The following DYM variants were observed in gnomAD, a reference collection of about 807,000 sequenced individuals.
DYM encodes dymeclin, also known as dyggve-Melchior-Clausen syndrome protein.
In DYM, 78 loss-of-function variants were observed where a neutral mutation model predicts 93.1. That is an observed-to-expected ratio of 0.84 (90% CI 0.70 to 1.01). The LOEUF is 1.01. Ranked by LOEUF, DYM falls within the 50% of genes least tolerant of loss-of-function variation. The pLI, the probability that DYM is intolerant of heterozygous loss-of-function variation, is 0.00. For missense variants in DYM, 789 were observed against 845.0 expected (o/e 0.93, Z 0.82); for synonymous variants, 321 against 319.7 (o/e 1.00, Z -0.04).
chr18:49,403,650 T>C (rs1028823162), intron 2 of DYM, among the ~76,000 whole-genome samples: 6 of 152,222 alleles, frequency 3.9e-5, no homozygotes, highest in Non-Finnish European at 5.9e-5. Flanking sequence ...CATGGGTATA[T>C]TGCATGATGC....
intron 15 of DYM, among the ~76,000 whole-genome samples, chr18:49,125,368 A>G (rs1448378513): frequency 6.6e-6 from 1 of 152,214 alleles, no homozygotes; most frequent in Admixed American, 6.5e-5. Context: ...CAAATATTTA[A>G]CAACTAGTTG....
At chr18:49,142,113 G>A (rs1053048623) in intron 15 of DYM, among the ~76,000 whole-genome samples, 2 of 151,284 alleles carry the variant, frequency 1.3e-5, no homozygotes, top group African/African-American at 2.4e-5. Context: ...CGCCCACCTC[G>A]GTCTCCCAAA....
At chr18:49,325,593 T>A (rs2062822761) in intron 8 of DYM, among the ~76,000 whole-genome samples, 1 of 152,176 alleles carries the variant, frequency 6.6e-6, no homozygotes, top group Non-Finnish European at 1.5e-5. Flanking sequence ...CAGAGAGCCA[T>A]ACCTTTATAT....
rs1482469110 is a variant in DYM, at chr18:49,042,160, T to C, written c.*1895A>G. 6.5e-6 allele frequency: 1 copy of C among 152,680 alleles called. No homozygotes were observed. Among genetic ancestry groups the C allele is most frequent in the Non-Finnish European group, 1.5e-5 (1 of 68,036 alleles). 9.5% of individuals were successfully genotyped at this position (152,680 alleles called of 1,614,324 possible). On this transcript the variant is annotated 3_prime_UTR_variant, in exon 18 of 18. Transcript: ENST00000675505. ...ACTGGCTCTGCCACAAAGCTAAGTA[T>C]TAGTAGAAGTTGTTGCCAAGCCTCA... is the stretch of plus-strand genomic sequence containing the variant.
Position 49,038,012 on chromosome 18 carries a change from G to A in DYM, c.*6043C>T, listed in dbSNP as rs925355178. Among the ~76,000 whole-genome samples, 9 of 152,138 alleles carry A rather than the reference G, an allele frequency of 5.9e-5. No homozygotes were observed. Among genetic ancestry groups the A allele is most frequent in the Middle Eastern group, 3.4e-3 (1 of 292 alleles). Reference sequence around the variant, plus strand: ...GTTAATTTTTTTATTTTTTGTAAAGGTGGGGCCTCATTATGTTGCCCAAGC... The same window carrying A: ...GTTAATTTTTTTATTTTTTGTAAAGATGGGGCCTCATTATGTTGCCCAAGC... On this transcript the variant is annotated 3_prime_UTR_variant, in exon 18 of 18. Coordinates refer to ENST00000675505, the MANE Select transcript of DYM (RefSeq NM_001353214.3).
chr18:49,323,595 C>T (rs150952535), intron 8 of DYM, among the ~76,000 whole-genome samples: 6 of 152,246 alleles, frequency 3.9e-5, no homozygotes, highest in African/African-American at 1.4e-4. Context: ...CTTTCTCTGC[C>T]CTGTGAGGAC....
In DYM at chr18:49,077,721, C is replaced by T. The variant is rs147115459; in HGVS notation, c.2025+19681G>A. On this transcript the variant is annotated intron_variant, in intron 17 of 17. Transcript: ENST00000675505. ...TGTCCCTGTGATCATTATGAAGTATCCTCATTCACCTTTGGTTTTGTTTTG... is the reference window on the plus strand; with the variant it reads ...TGTCCCTGTGATCATTATGAAGTATTCTCATTCACCTTTGGTTTTGTTTTG... Among the ~76,000 whole-genome samples, 531 of 152,198 alleles carry T rather than the reference C, an allele frequency of 3.5e-3. 2 individuals carry two copies. Among genetic ancestry groups the T allele is most frequent in the Non-Finnish European group, 5.7e-3 (386 of 68,004 alleles).
intron 14 of DYM, among the ~76,000 whole-genome samples, chr18:49,185,108 A>G (rs1373984563): frequency 6.6e-6 from 1 of 152,212 alleles, no homozygotes; most frequent in Non-Finnish European, 1.5e-5. Context: ...AATAAATACA[A>G]GAAGGACATG....
chr18:49,106,555 T>A (rs1330200691), intron 16 of DYM, among the ~76,000 whole-genome samples: 1 of 152,208 alleles, frequency 6.6e-6, no homozygotes, highest in Non-Finnish European at 1.5e-5. Context: ...GGTTGTTCCT[T>A]TCTATGTTTA....
chr18:49,101,359 C>T (rs1006535587), intron 16 of DYM, among the ~76,000 whole-genome samples: 43 of 152,282 alleles, frequency 2.8e-4, no homozygotes, highest in African/African-American at 9.4e-4. Flanking sequence ...TCATGAAATC[C>T]AAGTACAGCA....
chr18:49,308,059 T>A (rs956434855), intron 8 of DYM, among the ~76,000 whole-genome samples: 3 of 152,204 alleles, frequency 2.0e-5, no homozygotes, highest in African/African-American at 7.2e-5. Context: ...TAAAATGACA[T>A]TACTTAACAT....
intron 13 of DYM, among the ~76,000 whole-genome samples, chr18:49,215,469 G>C (rs1354983411): frequency 1.3e-5 from 2 of 152,152 alleles, no homozygotes; most frequent in East Asian, 3.9e-4. Context: ...ATTCTTTACA[G>C]ACATAGACAA....
intron 14 of DYM, among the ~76,000 whole-genome samples, chr18:49,199,862 C>T (rs1176276034): frequency 6.6e-6 from 1 of 151,268 alleles, no homozygotes; most frequent in Admixed American, 6.6e-5. Context: ...TTTTTTAAAG[C>T]ACAGTATAAA....
intron 14 of DYM, among the ~76,000 whole-genome samples, chr18:49,182,052 T>C (rs2089978033): frequency 6.6e-6 from 1 of 152,212 alleles, no homozygotes; most frequent in Admixed American, 6.5e-5. Flanking sequence ...TCTTCTTTGA[T>C]TCATGGATTA....
intron 13 of DYM, among the ~76,000 whole-genome samples, chr18:49,230,765 C>T (rs996861749): frequency 6.6e-6 from 1 of 152,116 alleles, no homozygotes; most frequent in Non-Finnish European, 1.5e-5. Flanking sequence ...GAGACATACG[C>T]CTTATAATTA....
intron 8 of DYM, among the ~76,000 whole-genome samples, chr18:49,323,658 G>A (rs140789915): frequency 3.8e-4 from 58 of 152,332 alleles, no homozygotes; most frequent in Non-Finnish European, 6.0e-4. Flanking sequence ...ACACCAAGAA[G>A]TGAATCTCCT....
chr18:49,433,956 T>C (rs1263958305), intron 1 of DYM, among the ~76,000 whole-genome samples: 1 of 152,138 alleles, frequency 6.6e-6, no homozygotes, highest in African/African-American at 2.4e-5. Flanking sequence ...ACACCTGTAA[T>C]TCCAGCACCC....
At chr18:49,288,553 T>C (rs908044595) in intron 8 of DYM, among the ~76,000 whole-genome samples, 1 of 152,040 alleles carries the variant, frequency 6.6e-6, no homozygotes, top group Non-Finnish European at 1.5e-5. Flanking sequence ...CTAAGGCAGA[T>C]GGATCAACTG....
At chr18:49,340,542 G>A (rs2146988019) in intron 6 of DYM, among the ~76,000 whole-genome samples, 1 of 152,162 alleles carries the variant, frequency 6.6e-6, no homozygotes, top group East Asian at 1.9e-4. Flanking sequence ...ATACTAAATG[G>A]AGGAAAGGAC....
Sources: allele counts gnomAD v4.1 joint callset (sites outside exome capture counted in the v4.1 genomes callset), GRCh38; gene constraint gnomAD v4.1.1; transcripts MANE v1.5; gene names NCBI Gene and HGNC (gene_info 2026-07-23, HGNC 2026-07-21).